Variants in CPLANE1 observed in about 807,000 individuals in gnomAD.
CPLANE1 encodes the protein ciliogenesis and planar polarity effector 1.
CPLANE1 carries 263 observed loss-of-function variants against 362.5 expected under a neutral mutation model. The ratio of observed to expected loss-of-function variants is 0.73; its 90% CI spans 0.66 to 0.80. The LOEUF (loss-of-function observed/expected upper bound fraction) is 0.80. CPLANE1 is among the 30% of genes least tolerant of loss of function. The pLI is 0.00. For missense variants in CPLANE1, 3,461 were observed against 3,793.4 expected (o/e 0.91, Z 2.30); for synonymous variants, 1,212 against 1,302.6 (o/e 0.93, Z 1.50).
chr5:37,077,228 A>G, the CPLANE1 span, among the ~76,000 whole-genome samples: 2 of 152,124 alleles, frequency 1.3e-5, no homozygotes, highest in South Asian at 4.1e-4. Context: ...ATATGGAATA[A>G]TAAACCATGG....
intron 8 of CPLANE1, among the ~76,000 whole-genome samples, chr5:37,232,656 GC>G (rs1385812160): frequency 6.6e-6 from 1 of 150,678 alleles, no homozygotes; most frequent in African/African-American, 2.4e-5. Flanking sequence ...GGGCAACATA[GC>G]AAGACCCTGG....
intron 8 of CPLANE1, among the ~76,000 whole-genome samples, chr5:37,235,455 T>A (rs1798747998): frequency 6.6e-6 from 1 of 151,276 alleles, no homozygotes. Context: ...TTCAATGCAA[T>A]CTCTATCAAA....
At chr5:37,221,778 G>A (rs1046168558) in intron 14 of CPLANE1, among the ~76,000 whole-genome samples, 1 of 151,830 alleles carries the variant, frequency 6.6e-6, no homozygotes, top group Non-Finnish European at 1.5e-5. Context: ...GTTGTCAGGG[G>A]CTCCTATCTT....
At chr5:37,211,498 A>G (rs1792582600) in intron 16 of CPLANE1, 3 of 1,368,900 alleles carry the variant, frequency 2.2e-6, no homozygotes, top group Admixed American at 2.1e-5. Flanking sequence ...GAAGAAAGGA[A>G]TGACATCTTG....
intron 15 of CPLANE1, among the ~76,000 whole-genome samples, chr5:37,214,522 T>C (rs1045943343): frequency 2.6e-5 from 4 of 152,188 alleles, no homozygotes; most frequent in African/African-American, 9.7e-5. Flanking sequence ...ACAGGCCATA[T>C]ATGGCACTGT....
intron 21 of CPLANE1, among the ~76,000 whole-genome samples, chr5:37,195,326 C>T (rs920917016): frequency 5.3e-5 from 8 of 152,100 alleles, no homozygotes; most frequent in Non-Finnish European, 1.0e-4. Context: ...TTAGGTCAGG[C>T]GCAATGGCTC....
rs1294435340 is a variant in CPLANE1, at chr5:37,226,745, G to C, written c.1850C>G (p.Pro617Arg). 1.9e-5 allele frequency: 29 copies of C among 1,542,982 alleles called. No homozygotes were observed. Among genetic ancestry groups the C allele is most frequent in the Non-Finnish European group, 2.3e-5 (26 of 1,143,518 alleles). Residue 617 changes from proline to arginine, a missense_variant, in exon 12 of 53, where the codon CCT (proline) becomes CGT (arginine). Pro to Arg is a moderately radical substitution (Grantham distance 103, BLOSUM62 -2). Coordinates refer to ENST00000651892, the MANE Select transcript of CPLANE1 (RefSeq NM_001384732.1). The stretch of plus-strand genomic sequence containing the variant: ...TTTGCTTAAAACAAGATCAAGTTTA[G>C]GAAAAGGACATTTTATAAATTGAAG... ...YILQFIKCPFPKLDLVLSKSS... is the reference protein window; with the variant it reads ...YILQFIKCPFRKLDLVLSKSS...
intron 31 of CPLANE1, among the ~76,000 whole-genome samples, chr5:37,174,497 TACCATAA>T (rs1312754627): frequency 6.6e-6 from 1 of 152,062 alleles, no homozygotes. Context: ...AGTTTAAATG[TACCATAA>T]ACCCTAATAA....
Position 37,170,041 on chromosome 5 carries a change from C to T in CPLANE1, c.6462G>A (p.Gln2154=), listed in dbSNP as rs766216326. 1.4e-5 allele frequency: 22 copies of T among 1,613,236 alleles called. No homozygotes were observed. Among genetic ancestry groups the T allele is most frequent in the Middle Eastern group, 1.6e-4 (1 of 6,084 alleles). ...PSGQNSTGNV[Q]NVPHGSIPLC... ...TTAATGGTATTTTTACATACATTAC[C>T]TGTACGTTTCCAGTACTATTTTGAC... Residue 2154 remains glutamine (Q), a splice_region_variant and synonymous_variant, in exon 33 of 53, where the codon CAG becomes CAA. Coordinates refer to ENST00000651892, the MANE Select transcript of CPLANE1 (RefSeq NM_001384732.1).
At position 37,168,813 on chromosome 5, in the gene CPLANE1, G is replaced by A. The variant is rs768563059; in HGVS notation, c.7211C>T (p.Ser2404Leu). ...TACCCTATTTTCTGGGGACAAATGTGAATGAAGTAATGACAATCTTGGGTA... is the reference window on the plus strand; with the variant it reads ...TACCCTATTTTCTGGGGACAAATGTAAATGAAGTAATGACAATCTTGGGTA... ...RKYPRLSLLH[S>L]HLSPENRCKK... Residue 2404 changes from serine (S) to leucine (L), a missense_variant, in exon 34 of 53, where the codon TCA becomes TTA. Coordinates refer to ENST00000651892, the MANE Select transcript of CPLANE1 (RefSeq NM_001384732.1). 2 of 1,613,040 alleles carry A rather than the reference G, an allele frequency of 1.2e-6. No individual in the cohort carries two copies. The highest frequency in any genetic ancestry group is 1.7e-6 in the Non-Finnish European group (2 of 1,179,490).
chr5:37,141,975 G>A (rs1257841897), intron 44 of CPLANE1: 2 of 595,904 alleles, frequency 3.4e-6, no homozygotes, highest in Admixed American at 1.3e-4. Context: ...CTACTATTTT[G>A]TTTTCAAATT....
rs768173950 is a variant in CPLANE1, at chr5:37,115,028, T to C, written c.9332A>G (p.Gln3111Arg). Residue 3111 changes from glutamine (Q) to arginine (R), a missense_variant, in exon 51 of 53, where the codon CAG (glutamine) becomes CGG (arginine). By Grantham distance (43) the Gln-to-Arg change is conservative. Transcript: ENST00000651892. Reference sequence around the variant, plus strand: ...TGCTTTGGCTCCACCAGCTTTTTTCTGTATGGTGAAAGTGGCAGTTCCTAT... The same window carrying C: ...TGCTTTGGCTCCACCAGCTTTTTTCCGTATGGTGAAAGTGGCAGTTCCTAT... ...WPHGTATFTI[Q>R]KKAGGAKAAV... The C allele has an allele frequency of 1.6e-5, 25 of 1,609,348 alleles. No homozygotes were observed. In the East Asian group the frequency reaches 5.6e-4, roughly 36 times the overall value.
At chr5:37,216,668 C>T (rs80296658) in intron 15 of CPLANE1, among the ~76,000 whole-genome samples, 12 of 152,264 alleles carry the variant, frequency 7.9e-5, no homozygotes, top group Admixed American at 2.6e-4. Context: ...AGAGGACATG[C>T]GTCATTCCCA....
intron 42 of CPLANE1, among the ~76,000 whole-genome samples, chr5:37,148,674 T>A (rs1309312079): frequency 6.6e-6 from 1 of 152,218 alleles, no homozygotes; most frequent in Non-Finnish European, 1.5e-5. Context: ...CTTCCAGGAC[T>A]ATAAGCTGTT....
intron 8 of CPLANE1, among the ~76,000 whole-genome samples, chr5:37,237,618 G>T (rs1424613720): frequency 6.6e-6 from 1 of 152,204 alleles, no homozygotes; most frequent in Non-Finnish European, 1.5e-5. Flanking sequence ...AGGCCAAGGC[G>T]AGTGGATCAC....
At chr5:37,148,721 G>A (rs990370610) in intron 42 of CPLANE1, among the ~76,000 whole-genome samples, 1 of 152,106 alleles carries the variant, frequency 6.6e-6, no homozygotes, top group Non-Finnish European at 1.5e-5. Context: ...TTGTATTTAT[G>A]TGTACATTAT....
At chr5:37,235,723 C>T (rs894087067) in intron 8 of CPLANE1, among the ~76,000 whole-genome samples, 3 of 151,900 alleles carry the variant, frequency 2.0e-5, no homozygotes, top group Non-Finnish European at 4.4e-5. Flanking sequence ...CAGGGGCACA[C>T]CATCACACCA....
chr5:37,111,376 G>A (rs146444640), intron 51 of CPLANE1, among the ~76,000 whole-genome samples: 4,334 of 148,090 alleles, frequency 0.029, 223 homozygotes, highest in African/African-American at 0.1. Context: ...CGCCCGCCTC[G>A]GCCTCCCAAA....
At chr5:37,197,008 C>T (rs1004610250) in intron 20 of CPLANE1, among the ~76,000 whole-genome samples, 3 of 151,096 alleles carry the variant, frequency 2.0e-5, no homozygotes, top group Non-Finnish European at 4.4e-5. Context: ...AGATTAATGA[C>T]CGGGTTACAG....
Sources: gnomAD v4.1 joint callset for allele counts (sites outside exome capture counted in the v4.1 genomes callset) on GRCh38, gnomAD v4.1.1 for gene constraint, MANE v1.5 for transcripts, NCBI Gene and HGNC (gene_info 2026-07-23, HGNC 2026-07-21) for gene names.